Variants in CLIC3 observed in about 807,000 individuals in gnomAD.
CLIC3 encodes chloride intracellular channel protein 3.
Under a neutral mutation model 19.9 loss-of-function variants are expected in CLIC3, and 29 were observed. The observed-to-expected ratio is 1.46, with a 90% confidence interval of 1.09 to 1.99. The LOEUF is 1.99. Ranked by LOEUF, CLIC3 falls within the 30% of genes most tolerant of loss-of-function variation. The pLI, the probability that CLIC3 is intolerant of heterozygous loss-of-function variation, is 0.00. For synonymous variants in CLIC3, 143 were observed against 156.4 expected (o/e 0.91, Z 0.64); for missense variants, 365 against 342.6 (o/e 1.07, Z -0.52).
Position 136,995,067 on chromosome 9 carries a change from C to T in CLIC3, c.415G>A (p.Asp139Asn). Residue 139 changes from aspartate to asparagine, a missense_variant, in exon 5 of 6, where the codon GAC becomes AAC. Physicochemically the swap from Asp to Asn is conservative, Grantham distance 23. Coordinates refer to ENST00000494426, the MANE Select transcript of CLIC3 (RefSeq NM_004669.3). ...QQLLRALARL[D>N]SYLRAPLEHE... is the part of the protein sequence containing the mutation. ...TCCAGGGGCGCGCGCAGGTAGCTGT[C>T]CAGCCTGGCGAGGGCGCGCAGCAGC... 1 of 1,517,242 alleles carries T rather than the reference C, an allele frequency of 6.6e-7. No homozygotes were observed. The highest frequency in any genetic ancestry group is 8.8e-7 in the Non-Finnish European group (1 of 1,132,276). The allele number at this position is 1,517,242 out of a possible 1,614,324, so 94.0% of individuals were successfully genotyped here.
rs1251816624 is a variant in CLIC3 at position 136,995,029 on chromosome 9, C to G, written c.453G>C (p.Ala151=). The G allele has an allele frequency of 6.6e-7, 1 of 1,509,718 alleles. No individual in the cohort carries two copies. The highest frequency in any genetic ancestry group is 2.1e-5 in the Admixed American group (1 of 47,596). The allele number at this position is 1,509,718 out of a possible 1,614,324, so 93.5% of individuals were successfully genotyped here. The change falls in exon 5 of 6, where the codon GCG becomes GCC. Residue 151 remains alanine, a synonymous_variant. Coordinates refer to ENST00000494426, the MANE Select transcript of CLIC3 (RefSeq NM_004669.3). ...YLRAPLEHEL[A]GEPQLRESRR... ...GGGACTCGCGCAGCTGCGGCTCCCC[C>G]GCCAGCTCGTGCTCCAGGGGCGCGC... is the stretch of plus-strand genomic sequence containing the variant.
chr9:136,995,772 C>A lies in CLIC3; in HGVS notation c.34-15G>T. The A allele has an allele frequency of 1.4e-6, 1 of 711,362 alleles. No homozygotes were observed. Among genetic ancestry groups the A allele is most frequent in the African/African-American group, 1.8e-5 (1 of 55,030 alleles). The allele number at this position is 711,362 out of a possible 1,614,324, so 44.1% of individuals were successfully genotyped here. A position where few individuals can be genotyped will look rare whatever the true frequency, so the allele number is the denominator to read the frequency against. On this transcript the variant is annotated splice_polypyrimidine_tract_variant and intron_variant, in intron 1 of 5. Transcript: ENST00000494426. ...TCCTCACTCGCCTGGGTGGGTGGAGCGGGGGTGGGGGGTCAGGGCTGGAAG... is the reference window on the plus strand; with the variant it reads ...TCCTCACTCGCCTGGGTGGGTGGAGAGGGGGTGGGGGGTCAGGGCTGGAAG...
rs763287268 is a variant in CLIC3 at position 136,994,967 on chromosome 9, G to A, written c.515C>T (p.Ala172Val). 2 of 1,502,444 alleles carry A rather than the reference G, an allele frequency of 1.3e-6. No individual in the cohort carries two copies. The highest frequency in any genetic ancestry group is 2.5e-5 in the South Asian group (2 of 80,536). The allele number at this position is 1,502,444 out of a possible 1,614,324, so 93.1% of individuals were successfully genotyped here. Residue 172 changes from alanine (A) to valine (V), a missense_variant, in exon 5 of 6, where the codon GCC becomes GTC. By Grantham distance (64) the Ala-to-Val change is moderately conservative. Coordinates refer to ENST00000494426, the MANE Select transcript of CLIC3 (RefSeq NM_004669.3). Reference sequence around the variant, plus strand: ...CAGCTTGGGCAGGAGGCTGCAGTCGGCCAGCGTGAGCCTGTCGCCGTCCAG... The same window carrying A: ...CAGCTTGGGCAGGAGGCTGCAGTCGACCAGCGTGAGCCTGTCGCCGTCCAG... ...RFLDGDRLTL[A>V]DCSLLPKLHI...
Position 136,995,042 on chromosome 9 carries a change from T to A in CLIC3, c.440A>T (p.Glu147Val). 6.6e-7 allele frequency: 1 copy of A among 1,515,652 alleles called. No individual in the cohort carries two copies. The highest frequency in any genetic ancestry group is 1.2e-5 in the South Asian group (1 of 81,712). The allele number at this position is 1,515,652 out of a possible 1,614,324, so 93.9% of individuals were successfully genotyped here. ...RLDSYLRAPL[E>V]HELAGEPQLR... is the part of the protein sequence containing the mutation. Reference sequence around the variant, plus strand: ...CTGCGGCTCCCCCGCCAGCTCGTGCTCCAGGGGCGCGCGCAGGTAGCTGTC... The same window carrying A: ...CTGCGGCTCCCCCGCCAGCTCGTGCACCAGGGGCGCGCGCAGGTAGCTGTC... The change falls in exon 5 of 6, where the codon GAG (glutamate) becomes GTG (valine). Residue 147 changes from glutamate to valine, a missense_variant. Transcript: ENST00000494426.
In CLIC3 at chr9:136,994,996, G is replaced by A. The variant is rs1445142382; in HGVS notation, c.486C>T (p.Arg162=). ...GCGTGAGCCTGTCGCCGTCCAGGAA[G>A]CGGCGGCGGGACTCGCGCAGCTGCG... The part of the protein sequence containing the change: ...GEPQLRESRR[R]FLDGDRLTLA... The change falls in exon 5 of 6, where the codon CGC becomes CGT. Residue 162 remains arginine, a synonymous_variant. Transcript: ENST00000494426. 6.6e-7 allele frequency: 1 copy of A among 1,504,994 alleles called. No homozygotes were observed. The highest frequency in any genetic ancestry group is 8.8e-7 in the Non-Finnish European group (1 of 1,132,784). The allele number at this position is 1,504,994 out of a possible 1,614,324, so 93.2% of individuals were successfully genotyped here.
intron 5 of CLIC3, 23 bp from the exon 6 acceptor site, chr9:136,994,862 C>A: frequency 6.6e-7 from 1 of 1,514,356 alleles, no homozygotes; most frequent in African/African-American, 1.4e-5. Context: ...TCGCGGGGCG[C>A]GGTCAGGACC....
Position 136,996,392 on chromosome 9 carries a change from C to T in CLIC3, c.33+119G>A, listed in dbSNP as rs572829758. 1.5e-4 allele frequency: 143 copies of T among 931,466 alleles called. No homozygotes were observed. The South Asian group carries it at 2.0e-3, about 13-fold the overall frequency. 57.7% of individuals were successfully genotyped at this position (931,466 alleles called of 1,614,324 possible). On this transcript the variant is annotated intron_variant, in intron 1 of 5. Coordinates refer to ENST00000494426, the MANE Select transcript of CLIC3 (RefSeq NM_004669.3). ...AGGGCTGCCTGAGTCCCCCTAGCCA[C>T]CCACAGGAAGGGGCTCAGACATTAC...
intron 5 of CLIC3, 33 bp downstream of exon 5, chr9:136,994,897 T>TCCGCCCCCC: frequency 6.8e-7 from 1 of 1,471,250 alleles, no homozygotes; most frequent in Non-Finnish European, 8.9e-7. Context: ...CGCGCCGCGG[T>TCCGCCCCCC]CACCCTCCCG....
chr9:136,995,357 C>T (rs1830686905), intron 3 of CLIC3, 65 bp from the exon 4 acceptor site: 2 of 1,608,978 alleles, frequency 1.2e-6, no homozygotes, highest in African/African-American at 1.3e-5. Flanking sequence ...CCACAGTACC[C>T]CCACAGCGCC....
chr9:136,994,686 G>A lies in CLIC3; in HGVS notation c.706C>T (p.Arg236Cys), dbSNP rs1257670933. ...GACAGACGCGGGGTGGGGCGCTAGC[G>A]GGGGTGCACGGCGGGCCGGTAGGCC... Reference protein sequence around the residue: ...LAAYRPAVHPR With the variant: ...LAAYRPAVHPC The change falls in exon 6 of 6, where the codon CGC becomes TGC. Residue 236 changes from arginine (R) to cysteine (C), a missense_variant. Transcript: ENST00000494426. 6.2e-7 allele frequency: 1 copy of A among 1,607,896 alleles called. No homozygotes were observed. The highest frequency in any genetic ancestry group is 8.5e-7 in the Non-Finnish European group (1 of 1,177,910).
intron 5 of CLIC3, 28 bp downstream of exon 5, chr9:136,994,902 C>G: frequency 1.4e-6 from 2 of 1,471,788 alleles, no homozygotes; most frequent in East Asian, 2.6e-5. Flanking sequence ...CGCGGTCACC[C>G]TCCCGCCCGC....
rs1202499958 is a variant in CLIC3 at position 136,995,487 on chromosome 9, G to A, written c.224C>T (p.Thr75Met). Residue 75 changes from threonine to methionine, a missense_variant, in exon 3 of 6, where the codon ACG (threonine) becomes ATG (methionine). Coordinates refer to ENST00000494426, the MANE Select transcript of CLIC3 (RefSeq NM_004669.3). ...CTCCAGAAAGTCCTCGATCTGCAGC[G>A]TGTCTGTCTTGGCGTCGCTGTCATA... is the stretch of plus-strand genomic sequence containing the variant. Reference protein sequence around the residue: ...LLYDSDAKTDTLQIEDFLEET... With the variant: ...LLYDSDAKTDMLQIEDFLEET... The A allele has an allele frequency of 6.2e-7, 1 of 1,612,622 alleles. No individual in the cohort carries two copies. Among genetic ancestry groups the A allele is most frequent in the South Asian group, 1.1e-5 (1 of 91,084 alleles).
rs902699086 is a variant in CLIC3, at chr9:136,995,124, G to A, written c.377-19C>T. ...TACAGGGCTAGGGGGCAGGCGGCGC[G>A]GTGAGGACCAGGCCCAGGGCGCCCT... On this transcript the variant is annotated intron_variant, in intron 4 of 5. Coordinates refer to ENST00000494426, the MANE Select transcript of CLIC3 (RefSeq NM_004669.3). 8 of 1,573,898 alleles carry A rather than the reference G, an allele frequency of 5.1e-6. No homozygotes were observed. Among genetic ancestry groups the A allele is most frequent in the Admixed American group, 1.9e-5 (1 of 53,950 alleles).
At position 136,994,929 on chromosome 9, in the gene CLIC3, C is replaced by G. The variant is rs1310540220; in HGVS notation, c.552+1G>C. The G allele has an allele frequency of 6.7e-7, 1 of 1,486,110 alleles. No homozygotes were observed. Among genetic ancestry groups the G allele is most frequent in the Non-Finnish European group, 8.9e-7 (1 of 1,124,366 alleles). The allele number at this position is 1,486,110 out of a possible 1,614,324, so 92.1% of individuals were successfully genotyped here. On this transcript the variant is annotated splice_donor_variant, in intron 5 of 5. Transcript: ENST00000494426. LOFTEE classifies it high-confidence loss of function. ...CCCGCCCGCCCACCTTCCGTGCTCA[C>G]GTCGACGATGTGCAGCTTGGGCAGG...
chr9:136,996,173 T>C (rs1388569639), intron 1 of CLIC3, among the ~76,000 whole-genome samples: 1 of 152,126 alleles, frequency 6.6e-6, no homozygotes, highest in African/African-American at 2.4e-5. Flanking sequence ...CTGATGGGGC[T>C]GCCTGGCCCA....
At chr9:136,995,965 C>G (rs989576619) in intron 1 of CLIC3, among the ~76,000 whole-genome samples, 19 of 152,208 alleles carry the variant, frequency 1.2e-4, no homozygotes, top group Non-Finnish European at 2.2e-4. Context: ...TGCTGGGAGC[C>G]TTGAGGCCTG....
In CLIC3 at chr9:136,995,272, C is replaced by T; in HGVS notation, c.290G>A (p.Arg97His). ...GCCGGCGGTGTTGGACTCCCTGTAA[C>T]GAGGCGCCAGGCTGGGGAAGCTGCG... ...GPPDFPSLAPRYRESNTAGND... is the reference protein window; with the variant it reads ...GPPDFPSLAPHYRESNTAGND... The change falls in exon 4 of 6, where the codon CGT becomes CAT. Residue 97 changes from arginine to histidine, a missense_variant. Transcript: ENST00000494426. 6.2e-7 allele frequency: 1 copy of T among 1,612,672 alleles called. No individual in the cohort carries two copies. Among genetic ancestry groups the T allele is most frequent in the East Asian group, 2.2e-5 (1 of 44,870 alleles).
chr9:136,995,317 C>T (rs1490132466), intron 3 of CLIC3, 25 bp from the exon 4 acceptor site: 3 of 1,609,506 alleles, frequency 1.9e-6, no homozygotes, highest in Non-Finnish European at 2.5e-6. Context: ...GGTGGGACTC[C>T]ATTAGACTGG....
chr9:136,995,889 G>A (rs1400414168), intron 1 of CLIC3, 132 bp from the exon 2 acceptor site: 2 of 644,142 alleles, frequency 3.1e-6, no homozygotes, highest in Admixed American at 2.9e-5. Flanking sequence ...CTTGGTCGGC[G>A]CGACTTCCAA....
Sources: allele counts gnomAD v4.1 joint callset (sites outside exome capture counted in the v4.1 genomes callset), GRCh38; gene constraint gnomAD v4.1.1; transcripts MANE v1.5; gene names NCBI Gene and HGNC (gene_info 2026-07-23, HGNC 2026-07-21).